The following GET1 variants were observed in gnomAD, a reference collection of about 807,000 sequenced individuals.
GET1 encodes congenital heart disease 5 protein.
A neutral mutation model predicts 22.6 loss-of-function variants in GET1; 20 were observed. The observed-to-expected ratio is 0.89, with a 90% CI of 0.62 to 1.29. The LOEUF (loss-of-function observed/expected upper bound fraction) is 1.29. Among genes scored for constraint, GET1 ranks in the 50% most tolerant of loss-of-function variants. The pLI is 0.00. For missense variants in GET1, 209 were observed against 219.9 expected (o/e 0.95, Z 0.31); for synonymous variants, 92 against 83.8 (o/e 1.10, Z -0.53).
intron 1 of GET1, chr21:39,414,356 A>G (rs2040655896): frequency 6.6e-6 from 1 of 152,094 alleles, no homozygotes; most frequent in South Asian, 2.1e-4. Context: ...TGGAAGGCTG[A>G]CATCCCTCTT....
chr21:39,398,121 G>A (rs886115430), downstream of GET1, among the ~76,000 whole-genome samples: 5 of 152,152 alleles, frequency 3.3e-5, no homozygotes, highest in Admixed American at 3.3e-4. Context: ...AGCAGGGAAC[G>A]CAGCCACAGC....
At chr21:39,381,903 A>AT (rs987411569) in intron 1 of GET1, among the ~76,000 whole-genome samples, 6 of 151,634 alleles carry the variant, frequency 4.0e-5, no homozygotes, top group African/African-American at 1.2e-4. Flanking sequence ...ACGCCCAGGT[A>AT]TTTTTTTGTA....
At chr21:39,408,029 C>T (rs1419315726), downstream of GET1, 1 of 152,238 alleles carries the variant, frequency 6.6e-6, no homozygotes, top group African/African-American at 2.4e-5. Flanking sequence ...GCTCTCCATG[C>T]TGCCTAAGGG....
chr21:39,428,083 CTG>C lies in GET1; in HGVS notation c.*24-148_*24-147del, dbSNP rs902343826. ...TTTACAATATGGGAAAACAATAAAACTGAGTATGAACCACTTCAAACACTAGT... is the reference window on the plus strand; with the variant it reads ...TTTACAATATGGGAAAACAATAAAACAGTATGAACCACTTCAAACACTAGT... On this transcript the variant is annotated intron_variant, in intron 1 of 1. Transcript: ENST00000478273. 7.7e-5 allele frequency: 56 copies of C among 731,566 alleles called. No homozygotes were observed. The African/African-American group carries it at 8.3e-4, about 11-fold the overall frequency. The allele number at this position is 731,566 out of a possible 1,614,324, so 45.3% of individuals were successfully genotyped here.
intron 1 of GET1, among the ~76,000 whole-genome samples, chr21:39,387,474 G>A (rs1008873549): frequency 6.6e-6 from 1 of 152,210 alleles, no homozygotes; most frequent in East Asian, 1.9e-4. Flanking sequence ...ATTCATCTAA[G>A]AGAATTTGGC....
At position 39,420,021 on chromosome 21, in the gene GET1, T is replaced by G. The variant is rs180985351; in HGVS notation, c.*24-8211T>G. Among the ~76,000 whole-genome samples, 10 of 152,300 alleles carry G rather than the reference T, an allele frequency of 6.6e-5. No individual in the cohort carries two copies. The East Asian group carries it at 1.9e-3, about 29-fold the overall frequency. ...AATATTATGTTTTTAAACGTTAATT[T>G]TGAGTTACATTAAAATGTTAACAAA... On this transcript the variant is annotated intron_variant, in intron 1 of 1. Coordinates refer to the GET1 transcript ENST00000478273.
chr21:39,384,240 T>C (rs1340279540), intron 1 of GET1, among the ~76,000 whole-genome samples: 2 of 151,874 alleles, frequency 1.3e-5, no homozygotes, highest in African/African-American at 4.8e-5. Context: ...GAGTTCCTTT[T>C]GTTGTTGTTA....
downstream of GET1, among the ~76,000 whole-genome samples, chr21:39,399,903 T>C (rs1471324434): frequency 8.9e-6 from 1 of 112,430 alleles, no homozygotes; most frequent in Non-Finnish European, 1.8e-5. Flanking sequence ...ATCCATAATC[T>C]TTTTTTAATT....
At chr21:39,417,320 A>G (rs146234593) in intron 1 of GET1, among the ~76,000 whole-genome samples, 6 of 152,164 alleles carry the variant, frequency 3.9e-5, no homozygotes, top group South Asian at 2.1e-4. Context: ...GATTACAGGC[A>G]TGAGCCACTG....
chr21:39,411,668 C>A, intron 1 of GET1: 2 of 915,850 alleles, frequency 2.2e-6, no homozygotes, highest in East Asian at 2.5e-5. Context: ...TTAGGAAAAT[C>A]TGACTAGATA....
chr21:39,402,005 C>T (rs2038852425), downstream of GET1, among the ~76,000 whole-genome samples: 1 of 152,148 alleles, frequency 6.6e-6, no homozygotes, highest in South Asian at 2.1e-4. Flanking sequence ...GAAATTAGGG[C>T]AACATTGGCC....
At chr21:39,412,174 G>A (rs751792701) in intron 1 of GET1, among the ~76,000 whole-genome samples, 12 of 152,064 alleles carry the variant, frequency 7.9e-5, no homozygotes, top group Non-Finnish European at 1.6e-4. Context: ...AATTTAGGTC[G>A]TCAGCCACAC....
chr21:39,422,236 T>C (rs1438155396), intron 1 of GET1: 7 of 152,246 alleles, frequency 4.6e-5, no homozygotes, highest in Non-Finnish European at 1.0e-4. Flanking sequence ...TATTACAGAA[T>C]TAAATCCTAA....
downstream of GET1, chr21:39,410,983 A>AT (rs2040000520): frequency 2.1e-6 from 1 of 468,088 alleles, no homozygotes; most frequent in Non-Finnish European, 4.4e-6. Flanking sequence ...TTGCTGGGAG[A>AT]TTTTGGGGGG....
At chr21:39,407,621 T>C (rs1321148921), downstream of GET1, among the ~76,000 whole-genome samples, 1 of 152,088 alleles carries the variant, frequency 6.6e-6, no homozygotes, top group Admixed American at 6.5e-5. Flanking sequence ...TTATAGACAA[T>C]GAGCTGGATC....
chr21:39,409,693 A>G (rs993121511), downstream of GET1, among the ~76,000 whole-genome samples: 6 of 152,138 alleles, frequency 3.9e-5, no homozygotes, highest in African/African-American at 7.2e-5. This position sits in a 1 kb window ranked among gnomAD's most constrained non-coding sequence, Gnocchi z 4.2. Context: ...CCTGGGTCCA[A>G]GCGATTTTCC....
intron 1 of GET1, chr21:39,422,608 T>G: frequency 3.0e-6 from 1 of 336,616 alleles, no homozygotes; most frequent in South Asian, 1.1e-4. Flanking sequence ...CAGTTTAAGG[T>G]AGAGGGTTGA....
chr21:39,384,656 A>T (rs954239033), intron 1 of GET1, among the ~76,000 whole-genome samples: 2 of 151,130 alleles, frequency 1.3e-5, no homozygotes, highest in Admixed American at 6.6e-5. Flanking sequence ...TGTTGTACAG[A>T]TTATTTCGTC....
At chr21:39,388,050 C>A (rs2038041469) in intron 1 of GET1, among the ~76,000 whole-genome samples, 1 of 152,314 alleles carries the variant, frequency 6.6e-6, no homozygotes, top group East Asian at 1.9e-4. Context: ...TCAACCCAAA[C>A]CCCCTCATTC....
Sources: gnomAD v4.1 joint callset for allele counts (sites outside exome capture counted in the v4.1 genomes callset) on GRCh38, gnomAD v4.1.1 for gene constraint, Gnocchi (gnomAD v3.1) non-coding constraint, MANE v1.5 for transcripts, NCBI Gene and HGNC (gene_info 2026-07-23, HGNC 2026-07-21) for gene names.